Variants in CDK15 observed in about 807,000 individuals in gnomAD.
CDK15 encodes cyclin dependent kinase 15.
Under a neutral mutation model 60.3 loss-of-function variants are expected in CDK15, and 62 were observed. The ratio of observed to expected loss-of-function variants is 1.03; its 90% CI spans 0.84 to 1.27. The LOEUF (loss-of-function observed/expected upper bound fraction) is 1.27. Ranked by LOEUF, CDK15 falls within the 50% of genes most tolerant of loss-of-function variation. The pLI, the probability that CDK15 is intolerant of heterozygous loss-of-function variation, is 0.00. For missense variants in CDK15, 541 were observed against 527.8 expected, an observed-to-expected ratio of 1.03 and a Z score of -0.25; for synonymous variants, 194 against 195.7, an observed-to-expected ratio of 0.99 and a Z score of 0.07.
intron 3 of CDK15, among the ~76,000 whole-genome samples, chr2:201,808,518 T>C (rs1428653578): frequency 6.6e-6 from 1 of 152,260 alleles, no homozygotes; most frequent in Non-Finnish European, 1.5e-5. Flanking sequence ...AGCTAAGTAC[T>C]AATTTTGGTA....
chr2:201,886,291 T>C (rs1412714305), intron 12 of CDK15, among the ~76,000 whole-genome samples: 1 of 152,152 alleles, frequency 6.6e-6, no homozygotes, highest in Non-Finnish European at 1.5e-5. Context: ...TTTTCTTTTC[T>C]TGTAATAATA....
Position 201,806,802 on chromosome 2 carries a change from G to C in CDK15, c.123+15G>C. The C allele has an allele frequency of 2.5e-6, 4 of 1,597,724 alleles. No homozygotes were observed. The South Asian group carries it at 4.4e-5, about 18-fold the overall frequency. On this transcript the variant is annotated intron_variant, in intron 1 of 13. Coordinates refer to ENST00000652192, the MANE Select transcript of CDK15 (RefSeq NM_001366386.2). ...CTGCGTTCAAGGTATTTGTATCCCAGGAGAGAGCATCTTTCTCTATTGATA... is the reference window on the plus strand; with the variant it reads ...CTGCGTTCAAGGTATTTGTATCCCACGAGAGAGCATCTTTCTCTATTGATA...
intron 1 of CDK15, among the ~76,000 whole-genome samples, 156 bp downstream of exon 1, chr2:201,806,943 T>C (rs1695537526): frequency 6.6e-6 from 1 of 152,208 alleles, no homozygotes; most frequent in South Asian, 2.1e-4. Context: ...GCTGTAGTTA[T>C]CAAATTTGGG....
intron 13 of CDK15, among the ~76,000 whole-genome samples, chr2:201,891,798 C>T (rs1005004888): frequency 6.6e-6 from 1 of 152,156 alleles, no homozygotes; most frequent in Admixed American, 6.5e-5. Context: ...ACATGCACAG[C>T]CTGCCAGCCA....
intron 10 of CDK15, among the ~76,000 whole-genome samples, chr2:201,868,899 G>A (rs1698743773): frequency 1.3e-5 from 2 of 152,198 alleles, no homozygotes; most frequent in African/African-American, 4.8e-5. Flanking sequence ...GAGAGGATGT[G>A]GAGAAATAGG....
intron 9 of CDK15, among the ~76,000 whole-genome samples, chr2:201,853,341 A>G (rs1055746230): frequency 1.3e-5 from 2 of 152,180 alleles, no homozygotes; most frequent in African/African-American, 4.8e-5. Context: ...TTTTTTTATT[A>G]TATGAGGGAA....
At position 201,868,825 on chromosome 2, in the gene CDK15, T is replaced by G. The variant is rs528176703; in HGVS notation, c.1010-3453T>G. 1.2e-4 allele frequency among the ~76,000 whole-genome samples: 18 copies of G among 152,162 alleles called. 1 individual carries two copies. The East Asian group carries it at 3.5e-3, about 29-fold the overall frequency. On this transcript the variant is annotated intron_variant, in intron 10 of 13. Transcript: ENST00000652192. ...AGAGAAATGCAAATCAAAACCACAA[T>G]GAGATACCATCTCCCACCAGTTAGA...
chr2:201,888,985 T>C (rs1442659563), intron 12 of CDK15: 1 of 985,934 alleles, frequency 1.0e-6, no homozygotes, highest in Non-Finnish European at 1.2e-6. Flanking sequence ...ATAATATCCG[T>C]GTGAAAATGT....
At position 201,880,186 on chromosome 2, in the gene CDK15, G is replaced by A; in HGVS notation, c.1198+19G>A. 1.2e-5 allele frequency: 20 copies of A among 1,613,426 alleles called. No homozygotes were observed. The highest frequency in any genetic ancestry group is 1.6e-5 in the Non-Finnish European group (19 of 1,179,708). ...CCTGATGGTGAGCGAGGGAGTGTGT[G>A]CGTGTGCGTGAGTGCATGTGCGTGA... On this transcript the variant is annotated intron_variant, in intron 12 of 13. Coordinates refer to ENST00000652192, the MANE Select transcript of CDK15 (RefSeq NM_001366386.2).
intron 11 of CDK15, among the ~76,000 whole-genome samples, chr2:201,875,158 AC>A (rs1183691500): frequency 6.6e-6 from 1 of 152,140 alleles, no homozygotes; most frequent in Non-Finnish European, 1.5e-5. Context: ...TCTATTCTGG[AC>A]TTTTAAGATT....
rs369801473 is a variant in CDK15 at position 201,880,177 on chromosome 2, G to A, written c.1198+10G>A. The A allele has an allele frequency of 3.1e-6, 5 of 1,613,486 alleles. No homozygotes were observed. In the African/African-American group the frequency reaches 4.0e-5, roughly 13 times the overall value. On this transcript the variant is annotated intron_variant, in intron 12 of 13. Coordinates refer to ENST00000652192, the MANE Select transcript of CDK15 (RefSeq NM_001366386.2). ...TACCAGCTTCCTGATGGTGAGCGAG[G>A]GAGTGTGTGCGTGTGCGTGAGTGCA...
Position 201,857,496 on chromosome 2 carries a change from T to A in CDK15, c.1009+2559T>A, listed in dbSNP as rs145517875. 4.4e-3 allele frequency among the ~76,000 whole-genome samples: 669 copies of A among 152,170 alleles called. 3 individuals are homozygous for A. The highest frequency in any genetic ancestry group is 0.015 in the African/African-American group (616 of 41,550). ...GGGCTACACAGATGGAGAGGGTGCA[T>A]TCTTGGATCTCTAGTGTTTGGGTTT... On this transcript the variant is annotated intron_variant, in intron 10 of 13. Coordinates refer to ENST00000652192, the MANE Select transcript of CDK15 (RefSeq NM_001366386.2).
intron 12 of CDK15, among the ~76,000 whole-genome samples, chr2:201,880,821 T>C (rs1244736773): frequency 6.6e-6 from 1 of 152,136 alleles, no homozygotes; most frequent in Non-Finnish European, 1.5e-5. Context: ...CAGGAAGGGC[T>C]ACAGGAGGAT....
Position 201,894,806 on chromosome 2 carries a change from G to A in CDK15, c.*1539G>A, listed in dbSNP as rs1699732078. The A allele has an allele frequency of 6.6e-6, 1 of 152,064 alleles. No homozygotes were observed. Among genetic ancestry groups the A allele is most frequent in the South Asian group, 2.1e-4 (1 of 4,818 alleles). 9.4% of individuals were successfully genotyped at this position (152,064 alleles called of 1,614,324 possible). On this transcript the variant is annotated 3_prime_UTR_variant, in exon 14 of 14. Coordinates refer to ENST00000652192, the MANE Select transcript of CDK15 (RefSeq NM_001366386.2). Reference sequence around the variant, plus strand: ...TAGAGAATACACAACTCTTGCAGAGGCAGCTGCTATTTAGTATTGGATCAT... The same window carrying A: ...TAGAGAATACACAACTCTTGCAGAGACAGCTGCTATTTAGTATTGGATCAT...
Position 201,807,945 on chromosome 2 carries a change from A to G in CDK15, c.361A>G (p.Ile121Val), listed in dbSNP as rs1333673579. 6.2e-7 allele frequency: 1 copy of G among 1,613,628 alleles called. No homozygotes were observed. Residue 121 changes from isoleucine (I) to valine (V), a missense_variant, in exon 3 of 14, where the codon ATT becomes GTT. By Grantham distance (29) the Ile-to-Val change is conservative. Coordinates refer to ENST00000652192, the MANE Select transcript of CDK15 (RefSeq NM_001366386.2). Reference protein sequence around the residue: ...EGSYATVYKGISRINGQLVAL... With the variant: ...EGSYATVYKGVSRINGQLVAL... ...CTCTTATGCGACAGTTTACAAGGGG[A>G]TTAGCAGGTGAGTGACACATAGCTG...
intron 4 of CDK15, among the ~76,000 whole-genome samples, chr2:201,822,541 T>C (rs1696277926): frequency 6.6e-6 from 1 of 152,210 alleles, no homozygotes; most frequent in African/African-American, 2.4e-5. Context: ...TCTGAGTGCT[T>C]TGATGAAATT....
intron 10 of CDK15, among the ~76,000 whole-genome samples, chr2:201,863,026 C>T (rs958870975): frequency 3.7e-4 from 57 of 152,252 alleles, no homozygotes; most frequent in African/African-American, 1.3e-3. Flanking sequence ...AAGCCACTGG[C>T]GTTCACTGAA....
chr2:201,894,908 C>T lies in CDK15; in HGVS notation c.*1641C>T, dbSNP rs916017800. The T allele has an allele frequency of 2.6e-5, 4 of 152,156 alleles. No individual in the cohort carries two copies. Among genetic ancestry groups the T allele is most frequent in the Non-Finnish European group, 5.9e-5 (4 of 68,038 alleles). 9.4% of individuals were successfully genotyped at this position (152,156 alleles called of 1,614,324 possible). A position where few individuals can be genotyped will look rare whatever the true frequency, so the allele number is the denominator to read the frequency against. ...CTTACTTGCATCAAATTTCATCTGA[C>T]TTAAATTCTTACACTTTGGGCTACA... is the stretch of plus-strand genomic sequence containing the variant. On this transcript the variant is annotated 3_prime_UTR_variant, in exon 14 of 14. Coordinates refer to ENST00000652192, the MANE Select transcript of CDK15 (RefSeq NM_001366386.2).
chr2:201,878,376 C>G (rs1417763547), intron 11 of CDK15, among the ~76,000 whole-genome samples: 2 of 151,772 alleles, frequency 1.3e-5, no homozygotes, highest in Non-Finnish European at 3.0e-5. Flanking sequence ...TCTGGCTTCT[C>G]CCTCCCACTC....
Sources: gnomAD v4.1 joint callset for allele counts (sites outside exome capture counted in the v4.1 genomes callset) on GRCh38, gnomAD v4.1.1 for gene constraint, MANE v1.5 for transcripts, NCBI Gene and HGNC (gene_info 2026-07-23, HGNC 2026-07-21) for gene names.